LDAH: variants seen among roughly 807,000 people sequenced by gnomAD.
The protein encoded by LDAH is lipid droplet-associated hydrolase.
Under a neutral mutation model 29.6 loss-of-function variants are expected in LDAH, and 26 were observed. That is an observed-to-expected ratio of 0.88 (90% CI 0.64 to 1.22). The LOEUF is 1.22. LDAH is among the 50% of genes most tolerant of loss of function. The pLI is 0.00. For synonymous variants in LDAH, 117 were observed against 133.0 expected, an observed-to-expected ratio of 0.88 and a Z score of 0.83; for missense variants, 344 against 387.3, an observed-to-expected ratio of 0.89 and a Z score of 0.94.
chr2:20,745,980 TA>T (rs1667544056), intron 4 of LDAH, among the ~76,000 whole-genome samples: 1 of 151,826 alleles, frequency 6.6e-6, no homozygotes. Flanking sequence ...CTTGGAAAAA[TA>T]AATTTTGTGG....
At chr2:20,728,242 A>G (rs570228160) in intron 5 of LDAH, among the ~76,000 whole-genome samples, 2 of 152,294 alleles carry the variant, frequency 1.3e-5, no homozygotes, top group African/African-American at 4.8e-5. Context: ...AACACTGCAA[A>G]GCCTCCTAAA....
At chr2:20,791,549 T>A (rs572935202) in intron 2 of LDAH, among the ~76,000 whole-genome samples, 11 of 152,328 alleles carry the variant, frequency 7.2e-5, no homozygotes, top group African/African-American at 2.2e-4. Flanking sequence ...AGTTCCAAAT[T>A]CCTTTTTGTG....
At chr2:20,700,969 A>C (rs146911839) in intron 6 of LDAH, among the ~76,000 whole-genome samples, 154 of 152,302 alleles carry the variant, frequency 1.0e-3, no homozygotes, top group Middle Eastern at 3.4e-3. Flanking sequence ...CAGCCAGACA[A>C]ATGATGCCAC....
At chr2:20,687,404 A>C (rs540041631) in intron 6 of LDAH, among the ~76,000 whole-genome samples, 1 of 152,378 alleles carries the variant, frequency 6.6e-6, no homozygotes, top group South Asian at 2.1e-4. Flanking sequence ...ACTGGAATGA[A>C]GGCCGGTGAG....
chr2:20,728,217 A>G (rs1366637669), intron 5 of LDAH, among the ~76,000 whole-genome samples: 1 of 152,184 alleles, frequency 6.6e-6, no homozygotes, highest in Non-Finnish European at 1.5e-5. Context: ...AAGCACAGAC[A>G]TTACATAATC....
chr2:20,753,604 C>T (rs1438129202), intron 4 of LDAH, among the ~76,000 whole-genome samples: 1 of 152,126 alleles, frequency 6.6e-6, no homozygotes, highest in Admixed American at 6.5e-5. Context: ...GTGGGGAGGG[C>T]AAATGCAATG....
At chr2:20,702,854 G>A (rs1347151518) in intron 5 of LDAH, among the ~76,000 whole-genome samples, 3 of 152,132 alleles carry the variant, frequency 2.0e-5, no homozygotes, top group African/African-American at 7.2e-5. Context: ...TTTTTGAGAT[G>A]GAGTTTCGCT....
At chr2:20,763,825 G>A (rs1668844868) in intron 4 of LDAH, among the ~76,000 whole-genome samples, 1 of 152,214 alleles carries the variant, frequency 6.6e-6, no homozygotes, top group Admixed American at 6.5e-5. Context: ...ATTCTCAGAT[G>A]AAATGCATTA....
intron 5 of LDAH, among the ~76,000 whole-genome samples, chr2:20,702,271 TTTCA>T (rs1558390875): frequency 2.0e-5 from 3 of 152,186 alleles, no homozygotes; most frequent in Admixed American, 2.0e-4. Flanking sequence ...GTAAGAAAAT[TTTCA>T]TTCAATGCTT....
intron 4 of LDAH, among the ~76,000 whole-genome samples, chr2:20,747,085 A>C (rs1667620103): frequency 6.6e-6 from 1 of 152,120 alleles, no homozygotes; most frequent in Non-Finnish European, 1.5e-5. Context: ...TATGGCCACA[A>C]GGTAAGAAGT....
In LDAH at chr2:20,790,412, C is replaced by A; in HGVS notation, c.155-14G>T. On this transcript the variant is annotated splice_polypyrimidine_tract_variant and intron_variant, in intron 2 of 6. Coordinates refer to ENST00000237822, the MANE Select transcript of LDAH (RefSeq NM_021925.4). ...AACCTGGGTTACCTAAGAAAAGAAA[C>A]ACAGACCTTAGATTAATCAAAGTAA... 6.2e-7 allele frequency: 1 copy of A among 1,610,508 alleles called. No individual in the cohort carries two copies. The highest frequency in any genetic ancestry group is 8.5e-7 in the Non-Finnish European group (1 of 1,178,374).
intron 6 of LDAH, among the ~76,000 whole-genome samples, 167 bp from the exon 7 acceptor site, chr2:20,687,261 C>T (rs1055805610): frequency 6.6e-6 from 1 of 152,198 alleles, no homozygotes; most frequent in Non-Finnish European, 1.5e-5. Context: ...CAAGGCTTCA[C>T]GATGTACAGG....
At chr2:20,710,014 G>A (rs1664595772) in intron 5 of LDAH, among the ~76,000 whole-genome samples, 1 of 152,126 alleles carries the variant, frequency 6.6e-6, no homozygotes. Context: ...CAAGAAACTA[G>A]AAAGAGAAGA....
chr2:20,762,027 G>A (rs1228379761), intron 4 of LDAH, among the ~76,000 whole-genome samples: 1 of 150,588 alleles, frequency 6.6e-6, no homozygotes, highest in African/African-American at 2.4e-5. Flanking sequence ...GCTTTTCCAT[G>A]TGTGATTTTT....
intron 4 of LDAH, among the ~76,000 whole-genome samples, chr2:20,740,526 C>T (rs1199648310): frequency 6.6e-6 from 1 of 152,122 alleles, no homozygotes; most frequent in East Asian, 1.9e-4. Flanking sequence ...CCAGGCTGGT[C>T]TTGATCTCCT....
chr2:20,794,476 A>G (rs924521795), intron 2 of LDAH, among the ~76,000 whole-genome samples: 1 of 152,182 alleles, frequency 6.6e-6, no homozygotes, highest in South Asian at 2.1e-4. Flanking sequence ...ATACCTCGTG[A>G]ACAAAGATGG....
At chr2:20,815,281 C>T (rs999072580) in intron 1 of LDAH, among the ~76,000 whole-genome samples, 13 of 152,096 alleles carry the variant, frequency 8.5e-5, no homozygotes, top group Non-Finnish European at 1.9e-4. Flanking sequence ...AGAAAGGCAT[C>T]AGGGACTTGT....
intron 1 of LDAH, among the ~76,000 whole-genome samples, chr2:20,806,100 T>G (rs902561088): frequency 3.3e-5 from 5 of 152,138 alleles, no homozygotes; most frequent in African/African-American, 1.2e-4. Context: ...TTTTAAGGTT[T>G]GTGTTGCAAT....
rs533856021 is a variant in LDAH, at chr2:20,816,711, C to T, written c.-3+6326G>A. 2.0e-5 allele frequency among the ~76,000 whole-genome samples: 3 copies of T among 151,860 alleles called. No individual in the cohort carries two copies. The South Asian group carries it at 6.3e-4, about 32-fold the overall frequency. ...AAGACACAGAAGAACAGAACACCAC[C>T]ATCAATGAACAGGACATAACTGACA... On this transcript the variant is annotated intron_variant, in intron 1 of 6. Coordinates refer to ENST00000237822, the MANE Select transcript of LDAH (RefSeq NM_021925.4).
Sources: gnomAD v4.1 joint callset for allele counts (sites outside exome capture counted in the v4.1 genomes callset) on GRCh38, gnomAD v4.1.1 for gene constraint, MANE v1.5 for transcripts, NCBI Gene and HGNC (gene_info 2026-07-23, HGNC 2026-07-21) for gene names.